RFX3: variants seen among roughly 807,000 people sequenced by gnomAD.
RFX3 encodes transcription factor RFX3.
Under a neutral mutation model 98.6 loss-of-function variants are expected in RFX3, and 14 were observed. The observed-to-expected ratio is 0.14, with a 90% confidence interval of 0.09 to 0.22. The LOEUF (loss-of-function observed/expected upper bound fraction) is 0.22, where lower values mean the gene tolerates loss of function less well. Among genes scored for constraint, RFX3 ranks in the 10% least tolerant of loss-of-function variants. RFX3 has a pLI of 1.00. For synonymous variants in RFX3, 383 were observed against 328.4 expected (o/e 1.17, Z -1.80); for missense variants, 639 against 926.9 (o/e 0.69, Z 4.03).
intron 1 of RFX3, among the ~76,000 whole-genome samples, chr9:3,403,447 T>C (rs1841667945): frequency 6.6e-6 from 1 of 152,278 alleles, no homozygotes; most frequent in Non-Finnish European, 1.5e-5. Context: ...GAAGGAATGA[T>C]AATAGTGTAG....
intron 1 of RFX3, among the ~76,000 whole-genome samples, chr9:3,502,205 GC>G (rs1816104949): frequency 6.6e-6 from 1 of 151,104 alleles, no homozygotes; most frequent in Non-Finnish European, 1.5e-5. Flanking sequence ...CTTGCAGTGA[GC>G]CCACATCACG....
chr9:3,421,323 G>A (rs1237324897), intron 1 of RFX3, among the ~76,000 whole-genome samples: 1 of 152,110 alleles, frequency 6.6e-6, no homozygotes, highest in Non-Finnish European at 1.5e-5. Context: ...AACCCCTATT[G>A]ATTAAATGCA....
At chr9:3,359,007 G>C (rs1417883761) in intron 2 of RFX3, among the ~76,000 whole-genome samples, 2 of 151,664 alleles carry the variant, frequency 1.3e-5, no homozygotes, top group East Asian at 1.9e-4. Context: ...TACAATTCAA[G>C]GTGAGATTTG....
intron 1 of RFX3, among the ~76,000 whole-genome samples, chr9:3,472,284 C>G (rs935674819): frequency 6.6e-6 from 1 of 152,004 alleles, no homozygotes; most frequent in Non-Finnish European, 1.5e-5. Context: ...GTTAAACAGA[C>G]CACAGCTCAA....
intron 1 of RFX3, among the ~76,000 whole-genome samples, chr9:3,425,062 C>A (rs888677777): frequency 6.6e-6 from 1 of 152,086 alleles, no homozygotes; most frequent in African/African-American, 2.4e-5. Context: ...AACCCTGTCT[C>A]TACAAAAAAT....
At chr9:3,366,078 A>G (rs1837032001) in intron 2 of RFX3, among the ~76,000 whole-genome samples, 1 of 152,006 alleles carries the variant, frequency 6.6e-6, no homozygotes, top group Admixed American at 6.5e-5. Context: ...ACTGTGATGT[A>G]GGCTCGCAGC....
intron 14 of RFX3, among the ~76,000 whole-genome samples, chr9:3,255,142 C>A (rs889746247): frequency 3.3e-5 from 5 of 152,300 alleles, no homozygotes; most frequent in African/African-American, 1.2e-4. Flanking sequence ...TGGATCTATA[C>A]GTCTACTTCA....
chr9:3,390,766 C>T (rs984227500), intron 2 of RFX3, among the ~76,000 whole-genome samples: 2 of 152,116 alleles, frequency 1.3e-5, no homozygotes, highest in Non-Finnish European at 2.9e-5. Flanking sequence ...TCCCCCTTGC[C>T]TTCTGCCATG....
chr9:3,367,568 C>A (rs1837352002), intron 2 of RFX3, among the ~76,000 whole-genome samples: 2 of 152,180 alleles, frequency 1.3e-5, no homozygotes, highest in African/African-American at 4.8e-5. Flanking sequence ...ATTTGATACA[C>A]AGCAAGAAGA....
At chr9:3,366,495 T>C (rs1356059217) in intron 2 of RFX3, among the ~76,000 whole-genome samples, 1 of 152,216 alleles carries the variant, frequency 6.6e-6, no homozygotes, top group Non-Finnish European at 1.5e-5. Context: ...TAAGTTTTCA[T>C]TTATACAGTG....
chr9:3,312,991 C>G (rs1830142090), intron 4 of RFX3, among the ~76,000 whole-genome samples: 1 of 152,210 alleles, frequency 6.6e-6, no homozygotes, highest in Admixed American at 6.5e-5. Context: ...TTAAATGTCC[C>G]TGTCTGACAG....
intron 3 of RFX3, among the ~76,000 whole-genome samples, chr9:3,341,688 G>C (rs1408190546): frequency 6.6e-6 from 1 of 152,196 alleles, no homozygotes; most frequent in Non-Finnish European, 1.5e-5. Flanking sequence ...GTATTAGAGA[G>C]AGAACAGGGT....
At chr9:3,230,876 A>G (rs926942337) in intron 15 of RFX3, among the ~76,000 whole-genome samples, 28 of 152,370 alleles carry the variant, frequency 1.8e-4, no homozygotes, top group African/African-American at 6.3e-4. Flanking sequence ...GTCTAAAACC[A>G]AACTCTGGAC....
chr9:3,417,118 G>A (rs1331307591), intron 1 of RFX3, among the ~76,000 whole-genome samples: 5 of 151,888 alleles, frequency 3.3e-5, no homozygotes, highest in African/African-American at 1.2e-4. Context: ...ATTTCATAAT[G>A]ATAAAGGAGC....
chr9:3,482,951 G>A (rs1291074611), intron 1 of RFX3, among the ~76,000 whole-genome samples: 4 of 152,086 alleles, frequency 2.6e-5, no homozygotes, highest in Non-Finnish European at 5.9e-5. Flanking sequence ...TTCTCAATTA[G>A]CTATGGGTAG....
intron 1 of RFX3, among the ~76,000 whole-genome samples, chr9:3,421,207 A>C (rs923861448): frequency 4.6e-5 from 7 of 152,134 alleles, no homozygotes; most frequent in African/African-American, 1.7e-4. Context: ...AACTACTCAG[A>C]TCATCTTGTT....
At chr9:3,502,593 TTA>T (rs1169406164) in intron 1 of RFX3, among the ~76,000 whole-genome samples, 2 of 152,184 alleles carry the variant, frequency 1.3e-5, no homozygotes, top group East Asian at 1.9e-4. Context: ...ATTTGAAAAA[TTA>T]TACAGTATTC....
intron 2 of RFX3, among the ~76,000 whole-genome samples, chr9:3,363,288 A>T (rs1836670345): frequency 2.6e-5 from 4 of 152,200 alleles, no homozygotes; most frequent in Admixed American, 2.6e-4. Flanking sequence ...AATATCAATA[A>T]ATGTATGCAG....
intron 13 of RFX3, among the ~76,000 whole-genome samples, chr9:3,261,552 G>A (rs116155503): frequency 2.1e-4 from 32 of 152,128 alleles, no homozygotes; most frequent in African/African-American, 7.5e-4. Flanking sequence ...ATCAGTTGAC[G>A]GACATTTGGG....
Sources: gnomAD v4.1 joint callset for allele counts (sites outside exome capture counted in the v4.1 genomes callset) on GRCh38, gnomAD v4.1.1 for gene constraint, MANE v1.5 for transcripts, NCBI Gene and HGNC (gene_info 2026-07-23, HGNC 2026-07-21) for gene names.